FGD4: variants seen among roughly 807,000 people sequenced by gnomAD.
The protein encoded by FGD4 is FYVE, RhoGEF and PH domain-containing protein 4.
A neutral mutation model predicts 102.0 loss-of-function variants in FGD4; 42 were observed. The ratio of observed to expected loss-of-function variants is 0.41; its 90% CI spans 0.32 to 0.53. The LOEUF is 0.53. Ranked by LOEUF, FGD4 falls within the 20% of genes least tolerant of loss-of-function variation. The pLI, the probability that FGD4 is intolerant of heterozygous loss-of-function variation, is 0.21. For synonymous variants in FGD4, 380 were observed against 375.7 expected (o/e 1.01, Z -0.13); for missense variants, 902 against 1,078.2 (o/e 0.84, Z 2.29).
chr12:32,473,987 C>T (rs1305335527), intron 1 of FGD4, among the ~76,000 whole-genome samples: 1 of 151,940 alleles, frequency 6.6e-6, no homozygotes, highest in East Asian at 1.9e-4. Flanking sequence ...ACTCGGGAGG[C>T]TGAGGCAGGA....
chr12:32,419,482 A>G (rs1400941162), intron 1 of FGD4, among the ~76,000 whole-genome samples: 1 of 151,652 alleles, frequency 6.6e-6, no homozygotes, highest in Non-Finnish European at 1.5e-5. Flanking sequence ...TTCTCCCTCT[A>G]CTAAATGCAC....
rs1948893409 is a variant in FGD4 at position 32,608,005 on chromosome 12, C to G, written c.1453C>G (p.Pro485Ala). Residue 485 changes from proline (P) to alanine (A), a missense_variant, in exon 8 of 17, where the codon CCT becomes GCT. Transcript: ENST00000534526. ...AACTTTGCAGCATCACATGCTAGAACCTGTTCAGCGGATTCCCCGGTATGA... is the reference window on the plus strand; with the variant it reads ...AACTTTGCAGCATCACATGCTAGAAGCTGTTCAGCGGATTCCCCGGTATGA... The part of the protein sequence containing the change: ...SLTLQHHMLE[P>A]VQRIPRYEML... The G allele has an allele frequency of 1.9e-6, 3 of 1,614,188 alleles. No homozygotes were observed. Among genetic ancestry groups the G allele is most frequent in the Non-Finnish European group, 2.5e-6 (3 of 1,180,028 alleles).
At chr12:32,581,840 A>G in intron 3 of FGD4, 120 bp from the exon 4 acceptor site, 1 of 1,058,784 alleles carries the variant, frequency 9.4e-7, no homozygotes, top group Admixed American at 2.5e-5. Context: ...TGTTTCTGAA[A>G]CCATCAGAGA....
At chr12:32,580,755 C>T (rs564500917) in intron 3 of FGD4, among the ~76,000 whole-genome samples, 80 of 152,006 alleles carry the variant, frequency 5.3e-4, no homozygotes, top group Admixed American at 1.6e-3. Flanking sequence ...GGCGTGGTGG[C>T]GGGCGCCTGT....
intron 1 of FGD4, among the ~76,000 whole-genome samples, chr12:32,559,038 A>G (rs1001559372): frequency 1.3e-5 from 2 of 152,246 alleles, no homozygotes; most frequent in African/African-American, 4.8e-5. Context: ...ATTATAAATC[A>G]GCCCTACTGG....
chr12:32,501,880 G>C (rs1396802469), intron 1 of FGD4, among the ~76,000 whole-genome samples: 1 of 152,194 alleles, frequency 6.6e-6, no homozygotes, highest in Non-Finnish European at 1.5e-5. Flanking sequence ...AATGAGCAGA[G>C]TTAGCTATCT....
Position 32,625,031 on chromosome 12 carries a change from C to T in FGD4, c.2009C>T (p.Ala670Val). The change falls in exon 13 of 17, where the codon GCA (alanine) becomes GTA (valine). Residue 670 changes from alanine to valine, a missense_variant. Around this residue, in one of 2 missense-constraint regions of FGD4, gnomAD observed 459 missense variants for 619.0 expected, o/e 0.74. Transcript: ENST00000534526. ...CAAAGGCATGAAACCTTCAGAAATGCAATTGCAAAGGATAATGACATTCAC... is the reference window on the plus strand; with the variant it reads ...CAAAGGCATGAAACCTTCAGAAATGTAATTGCAAAGGATAATGACATTCAC... ...FHQRHETFRNAIAKDNDIHSE... is the reference protein window; with the variant it reads ...FHQRHETFRNVIAKDNDIHSE... The T allele has an allele frequency of 6.2e-7, 1 of 1,613,138 alleles. No individual in the cohort carries two copies. Among genetic ancestry groups the T allele is most frequent in the Non-Finnish European group, 8.5e-7 (1 of 1,179,436 alleles).
chr12:32,450,266 C>A (rs1277498775), intron 1 of FGD4, among the ~76,000 whole-genome samples: 1 of 152,016 alleles, frequency 6.6e-6, no homozygotes, highest in East Asian at 1.9e-4. Flanking sequence ...GAGACAGTGT[C>A]TTGCCATGTT....
intron 14 of FGD4, among the ~76,000 whole-genome samples, chr12:32,626,037 AG>A (rs1261925463): frequency 2.0e-5 from 3 of 152,252 alleles, no homozygotes; most frequent in African/African-American, 7.2e-5. Context: ...GAAATAAAAA[AG>A]CAATTGAGAA....
chr12:32,616,864 A>G (rs564286494), intron 10 of FGD4, among the ~76,000 whole-genome samples: 36 of 152,302 alleles, frequency 2.4e-4, no homozygotes, highest in Non-Finnish European at 4.4e-4. Context: ...GCTAATTTAT[A>G]AAGAACAGGG....
In FGD4 at chr12:32,587,552, G is replaced by T. The variant is rs543150552; in HGVS notation, c.1011+5085G>T. 3.3e-5 allele frequency among the ~76,000 whole-genome samples: 5 copies of T among 151,840 alleles called. No homozygotes were observed. In the East Asian group the frequency reaches 7.8e-4, roughly 24 times the overall value. The stretch of plus-strand genomic sequence containing the variant: ...ACTACAGGCATGCACCATCACGCCT[G>T]GCTAATTTTTGTATTTTTTGTAGAG... On this transcript the variant is annotated intron_variant, in intron 4 of 16. Transcript: ENST00000534526.
intron 1 of FGD4, among the ~76,000 whole-genome samples, chr12:32,524,321 C>T (rs1184211052): frequency 3.5e-5 from 5 of 141,186 alleles, no homozygotes; most frequent in South Asian, 4.5e-4. Context: ...GCTTGAACCC[C>T]GGAGGAGGAG....
chr12:32,441,777 T>G (rs1942442468), intron 1 of FGD4, among the ~76,000 whole-genome samples: 1 of 152,076 alleles, frequency 6.6e-6, no homozygotes, highest in Admixed American at 6.5e-5. Flanking sequence ...CAAGTTTACT[T>G]AGAGACCAAA....
At chr12:32,600,632 G>A (rs1162063615) in intron 5 of FGD4, 1 of 219,450 alleles carries the variant, frequency 4.6e-6, no homozygotes, top group Non-Finnish European at 7.7e-6. Context: ...GTTACTATGT[G>A]TAGGAAGAGA....
intron 1 of FGD4, among the ~76,000 whole-genome samples, chr12:32,550,227 G>GA (rs1290875417): frequency 6.6e-6 from 1 of 151,858 alleles, no homozygotes; most frequent in Non-Finnish European, 1.5e-5. Flanking sequence ...GGGAGAAAAA[G>GA]AAAAAAACAA....
intron 4 of FGD4, among the ~76,000 whole-genome samples, chr12:32,589,632 G>A (rs1441509397): frequency 1.3e-5 from 2 of 152,158 alleles, no homozygotes; most frequent in East Asian, 3.9e-4. Flanking sequence ...ATTATAAGAA[G>A]ACCAAAGTTG....
At chr12:32,608,155 T>C in intron 8 of FGD4, 60 bp downstream of exon 8, 1 of 1,601,898 alleles carries the variant, frequency 6.2e-7, no homozygotes, top group Non-Finnish European at 8.5e-7. Flanking sequence ...CAAGCAGCCT[T>C]ATGGTTTCAA....
At chr12:32,406,674 T>A (rs1000730772) in intron 1 of FGD4, among the ~76,000 whole-genome samples, 1 of 152,224 alleles carries the variant, frequency 6.6e-6, no homozygotes, top group Non-Finnish European at 1.5e-5. Context: ...ATTCTGATGA[T>A]CTGCTTGGCT....
At chr12:32,437,507 T>G (rs192821606) in intron 1 of FGD4, among the ~76,000 whole-genome samples, 1 of 152,334 alleles carries the variant, frequency 6.6e-6, no homozygotes, top group Admixed American at 6.5e-5. Flanking sequence ...TTAAAGATGT[T>G]TGATAAAGCT....
Sources: gnomAD v4.1 joint callset for allele counts (sites outside exome capture counted in the v4.1 genomes callset) on GRCh38, gnomAD v4.1.1 for gene constraint, gnomAD v4.1.1 regional missense constraint, MANE v1.5 for transcripts, NCBI Gene and HGNC (gene_info 2026-07-23, HGNC 2026-07-21) for gene names.